PROM1: variants seen among roughly 807,000 people sequenced by gnomAD.
PROM1 encodes the protein prominin-1.
A neutral mutation model predicts 116.9 loss-of-function variants in PROM1; 105 were observed. The ratio of observed to expected loss-of-function variants is 0.90; its 90% CI spans 0.77 to 1.06. The LOEUF (loss-of-function observed/expected upper bound fraction) is 1.06, where lower values mean the gene tolerates loss of function less well. Among genes scored for constraint, PROM1 ranks in the 50% least tolerant of loss-of-function variants. The probability of loss-of-function intolerance (pLI) is 0.00; values close to 1 mark genes in which losing one functional copy is unlikely to be tolerated. For synonymous variants in PROM1, 393 were observed against 387.0 expected, an observed-to-expected ratio of 1.02 and a Z score of -0.18; for missense variants, 1,122 against 1,045.2, an observed-to-expected ratio of 1.07 and a Z score of -1.01.
At chr4:15,970,289 C>T (rs1349580240) in intron 27 of PROM1, among the ~76,000 whole-genome samples, 2 of 151,500 alleles carry the variant, frequency 1.3e-5, no homozygotes, top group African/African-American at 4.9e-5. Flanking sequence ...CCTTGGCCTC[C>T]TGAGTAGCTG....
At chr4:15,980,604 GGA>G in intron 23 of PROM1, 67 bp from the exon 24 acceptor site, 4 of 793,332 alleles carry the variant, frequency 5.0e-6, no homozygotes, top group Non-Finnish European at 7.2e-6. Context: ...GTTGTTTGGG[GGA>G]TTTTTTTTTT....
chr4:15,978,991 A>C (rs190699542), intron 26 of PROM1, among the ~76,000 whole-genome samples: 1 of 147,126 alleles, frequency 6.8e-6, no homozygotes, highest in Middle Eastern at 3.2e-3. Flanking sequence ...AGGAAGGAAA[A>C]AAGGAAGGAA....
intron 15 of PROM1, among the ~76,000 whole-genome samples, chr4:15,995,212 G>A (rs1289618275): frequency 6.6e-6 from 1 of 152,024 alleles, no homozygotes; most frequent in African/African-American, 2.4e-5. Flanking sequence ...GAGAAACTTA[G>A]GTAGGAAGTG....
At chr4:16,029,596 T>G (rs1732170610) in intron 5 of PROM1, among the ~76,000 whole-genome samples, 1 of 152,210 alleles carries the variant, frequency 6.6e-6, no homozygotes, top group Non-Finnish European at 1.5e-5. Context: ...AGAAAGAACA[T>G]GCCCACGTAG....
chr4:16,068,046 G>C (rs548689521), intron 2 of PROM1, among the ~76,000 whole-genome samples: 3 of 152,334 alleles, frequency 2.0e-5, no homozygotes, highest in Non-Finnish European at 4.4e-5. Flanking sequence ...CAGGAAGCCA[G>C]AGGGAGAGGG....
In PROM1 at chr4:16,060,992, T is replaced by C. The variant is rs369721735; in HGVS notation, c.220+14695A>G. Among the ~76,000 whole-genome samples the C allele has an allele frequency of 4.4e-4, 67 of 152,328 alleles. 1 individual carries two copies. The highest frequency in any genetic ancestry group is 1.5e-3 in the African/African-American group (64 of 41,562). On this transcript the variant is annotated intron_variant, in intron 2 of 27. Coordinates refer to ENST00000447510, the MANE Select transcript of PROM1 (RefSeq NM_006017.3). ...CACAAAGTGTTCCTCATGTCACAGT[T>C]GTCCCTTGCCCCTGAGCTCTTTGCA...
chr4:16,068,691 A>G (rs964652218), intron 2 of PROM1, among the ~76,000 whole-genome samples: 6 of 152,176 alleles, frequency 3.9e-5, no homozygotes, highest in African/African-American at 1.2e-4. Flanking sequence ...GAGATCTTTC[A>G]ACTAAATTTG....
In PROM1 at chr4:16,026,184, C is replaced by CT. The variant is rs552978350; in HGVS notation, c.510-873dup. Among the ~76,000 whole-genome samples the CT allele has an allele frequency of 8.5e-5, 13 of 152,228 alleles. 1 individual carries two copies. The East Asian group carries it at 1.9e-3, about 23-fold the overall frequency. On this transcript the variant is annotated intron_variant, in intron 5 of 27. Coordinates refer to ENST00000447510, the MANE Select transcript of PROM1 (RefSeq NM_006017.3). ...TCTCTATGTGAAAAAACCAAAACGT[C>CT]TTTTTTCAAGCCATCTAAAATGTCT...
At chr4:16,060,454 C>T (rs1740045266) in intron 2 of PROM1, among the ~76,000 whole-genome samples, 2 of 152,142 alleles carry the variant, frequency 1.3e-5, no homozygotes, top group South Asian at 2.1e-4. Context: ...GCTGGGACTA[C>T]AGGCACGTGC....
chr4:16,041,787 T>TAA (rs1398054156), intron 2 of PROM1, among the ~76,000 whole-genome samples: 75 of 81,532 alleles, frequency 9.2e-4, no homozygotes, highest in East Asian at 1.7e-3. Context: ...AATAAATAAA[T>TAA]ATATATATAT....
intron 14 of PROM1, 33 bp downstream of exon 14, chr4:16,000,463 G>A (rs1723475805): frequency 1.3e-6 from 2 of 1,523,196 alleles, no homozygotes; most frequent in Non-Finnish European, 1.8e-6. Context: ...TTCTGTTCAA[G>A]TCCTTTCATA....
chr4:16,032,321 C>A (rs1229957852), intron 5 of PROM1, among the ~76,000 whole-genome samples: 1 of 152,176 alleles, frequency 6.6e-6, no homozygotes, highest in Non-Finnish European at 1.5e-5. Flanking sequence ...TCTTATCAGA[C>A]CCCTGCTGGT....
chr4:15,970,645 C>T (rs1286429465), intron 27 of PROM1, among the ~76,000 whole-genome samples: 1 of 151,842 alleles, frequency 6.6e-6, no homozygotes, highest in South Asian at 2.1e-4. Flanking sequence ...TACATGCAGT[C>T]GTCCCTCTGG....
intron 2 of PROM1, among the ~76,000 whole-genome samples, chr4:16,050,680 T>G (rs1737660069): frequency 6.6e-6 from 1 of 152,224 alleles, no homozygotes; most frequent in African/African-American, 2.4e-5. Flanking sequence ...TTAAAACTGA[T>G]GTCTTATCCT....
chr4:16,004,943 T>C (rs1457573597), intron 13 of PROM1, among the ~76,000 whole-genome samples: 1 of 135,372 alleles, frequency 7.4e-6, no homozygotes, highest in African/African-American at 2.7e-5. Context: ...CTTTCTTTTT[T>C]TCTTTATTTC....
chr4:15,989,168 G>A (rs1290815226), intron 19 of PROM1, among the ~76,000 whole-genome samples: 1 of 152,144 alleles, frequency 6.6e-6, no homozygotes, highest in Non-Finnish European at 1.5e-5. Context: ...ATAGTTTGGA[G>A]AGCCAGAAGC....
chr4:15,973,262 T>C (rs1026231553), intron 26 of PROM1, among the ~76,000 whole-genome samples: 51 of 152,232 alleles, frequency 3.4e-4, no homozygotes, highest in African/African-American at 1.2e-3. Context: ...GCCTGGCCAA[T>C]ATAGTGAAAC....
At chr4:16,011,660 G>A (rs1726917485) in intron 11 of PROM1, among the ~76,000 whole-genome samples, 1 of 152,214 alleles carries the variant, frequency 6.6e-6, no homozygotes, top group South Asian at 2.1e-4. Flanking sequence ...TAGTGAGCAG[G>A]TGGCTGTCAG....
chr4:16,014,271 T>C (rs1316029696), intron 10 of PROM1, among the ~76,000 whole-genome samples: 3 of 152,334 alleles, frequency 2.0e-5, no homozygotes, highest in East Asian at 1.9e-4. Context: ...TGAACATCCA[T>C]GACTTCCGTT....
Sources: gnomAD v4.1 joint callset for allele counts (sites outside exome capture counted in the v4.1 genomes callset) on GRCh38, gnomAD v4.1.1 for gene constraint, MANE v1.5 for transcripts, NCBI Gene and HGNC (gene_info 2026-07-23, HGNC 2026-07-21) for gene names.